The following CAPZA1 variants were observed in gnomAD, a reference collection of about 807,000 sequenced individuals.
CAPZA1 encodes capping actin protein of muscle Z-line subunit alpha 1, also known as F-actin-capping protein subunit alpha-1.
Under a neutral mutation model 40.8 loss-of-function variants are expected in CAPZA1, and 10 were observed. The observed-to-expected ratio is 0.25, with a 90% CI of 0.15 to 0.42. The LOEUF (loss-of-function observed/expected upper bound fraction) is 0.42, where lower values mean the gene tolerates loss of function less well. Among genes scored for constraint, CAPZA1 ranks in the 10% least tolerant of loss-of-function variants. The pLI, the probability that CAPZA1 is intolerant of heterozygous loss-of-function variation, is 1.00. For missense variants in CAPZA1, 277 were observed against 353.8 expected, an observed-to-expected ratio of 0.78 and a Z score of 1.74; for synonymous variants, 98 against 115.0, an observed-to-expected ratio of 0.85 and a Z score of 0.95.
chr1:112,661,027 T>G (rs1373457588), intron 7 of CAPZA1, among the ~76,000 whole-genome samples: 2 of 151,802 alleles, frequency 1.3e-5, no homozygotes, highest in African/African-American at 4.8e-5. Flanking sequence ...CCAGCTAATT[T>G]TTGTATTTTT....
intron 3 of CAPZA1, 169 bp downstream of exon 3, chr1:112,649,638 G>A: frequency 4.8e-6 from 3 of 620,702 alleles, no homozygotes; most frequent in Non-Finnish European, 8.5e-6. Context: ...TCCCCCAATT[G>A]TTGTTTACTT....
At chr1:112,620,016 A>T (rs527661845) in intron 1 of CAPZA1, 133 bp downstream of exon 1, 28 of 685,426 alleles carry the variant, frequency 4.1e-5, no homozygotes, top group Non-Finnish European at 5.2e-5. Context: ...CGCTCTCCGC[A>T]GTCGGGACGC....
At chr1:112,626,367 G>A (rs1056605582) in intron 1 of CAPZA1, 1 of 151,546 alleles carries the variant, frequency 6.6e-6, no homozygotes, top group Non-Finnish European at 1.5e-5. Flanking sequence ...GCTAAGCCGG[G>A]ACGATCACTT....
intron 1 of CAPZA1, among the ~76,000 whole-genome samples, chr1:112,633,156 A>G (rs1398314767): frequency 1.3e-5 from 2 of 152,248 alleles, no homozygotes; most frequent in African/African-American, 4.8e-5. Flanking sequence ...GCAGTGCAGT[A>G]GAGCACTAGA....
At chr1:112,627,960 CA>C (rs888885594) in intron 1 of CAPZA1, among the ~76,000 whole-genome samples, 89 of 143,768 alleles carry the variant, frequency 6.2e-4, no homozygotes, top group Admixed American at 4.9e-4. Context: ...AACTCTGTCT[CA>C]AAAAAAAAAA....
chr1:112,656,440 A>AT (rs56343358), intron 5 of CAPZA1, among the ~76,000 whole-genome samples: 15,585 of 45,292 alleles, frequency 0.34, 4,816 homozygotes, highest in Middle Eastern at 0.43. Context: ...ATTATGTTTG[A>AT]TTTTTTTTTT....
intron 1 of CAPZA1, among the ~76,000 whole-genome samples, chr1:112,622,431 A>G (rs1444326761): frequency 2.0e-5 from 3 of 152,220 alleles, no homozygotes; most frequent in African/African-American, 7.2e-5. Flanking sequence ...AATGAACTTG[A>G]GCTCTTTAGT....
chr1:112,657,357 G>A (rs973316468), intron 5 of CAPZA1, among the ~76,000 whole-genome samples: 30 of 151,858 alleles, frequency 2.0e-4, no homozygotes, highest in South Asian at 6.2e-4. Flanking sequence ...TCACCACCAC[G>A]TCAGTACATA....
At chr1:112,649,612 A>G (rs1255486427) in intron 3 of CAPZA1, 143 bp downstream of exon 3, 2 of 676,016 alleles carry the variant, frequency 3.0e-6, no homozygotes, top group Admixed American at 3.0e-5. Flanking sequence ...GTTTTTTTTA[A>G]TTGGAGAAAA....
At chr1:112,630,922 A>G (rs192999878) in intron 1 of CAPZA1, among the ~76,000 whole-genome samples, 4 of 152,284 alleles carry the variant, frequency 2.6e-5, no homozygotes, top group Admixed American at 2.6e-4. Context: ...GTTTGTATCT[A>G]CCAGGATGAA....
chr1:112,647,179 T>C, intron 1 of CAPZA1, 31 bp from the exon 2 acceptor site: 1 of 1,150,422 alleles, frequency 8.7e-7, no homozygotes, highest in Non-Finnish European at 1.2e-6. Flanking sequence ...TCTTCATAAT[T>C]CTCCTAAGTG....
rs570249032 is a variant in CAPZA1 at position 112,664,230 on chromosome 1, CAA to C, written c.586-2826_586-2825del. ...TGGGCGACAGAGCGTGACACTGTCT[CAA>C]AAAAAAAAAAAAAAAAAGATACTTA... On this transcript the variant is annotated intron_variant, in intron 7 of 9. Transcript: ENST00000263168. Among the ~76,000 whole-genome samples the C allele has an allele frequency of 2.3e-3, 252 of 110,400 alleles. 1 individual carries two copies. The highest frequency in any genetic ancestry group is 3.4e-3 in the Admixed American group (37 of 10,766). 72.4% of individuals were successfully genotyped at this position (110,400 alleles called of 152,430 possible).
At chr1:112,661,394 C>G (rs1671604679) in intron 7 of CAPZA1, among the ~76,000 whole-genome samples, 1 of 152,216 alleles carries the variant, frequency 6.6e-6, no homozygotes, top group African/African-American at 2.4e-5. Flanking sequence ...CCAATACCCA[C>G]AGCTGTAACC....
In CAPZA1 at chr1:112,654,326, T is replaced by G. The variant is rs567767465; in HGVS notation, c.220-139T>G. On this transcript the variant is annotated intron_variant, in intron 4 of 9. Transcript: ENST00000263168. The stretch of plus-strand genomic sequence containing the variant: ...TACAATATTCTTAATAATACGGGAC[T>G]TGGTTGAAAAATTAATATGAAAGAA... The G allele has an allele frequency of 2.1e-3, 1,242 of 604,430 alleles. 6 individuals are homozygous for G. Among genetic ancestry groups the G allele is most frequent in the Non-Finnish European group, 3.1e-3 (1,052 of 336,966 alleles). 37.4% of individuals were successfully genotyped at this position (604,430 alleles called of 1,614,324 possible).
chr1:112,650,478 G>A (rs1378040441), intron 3 of CAPZA1, among the ~76,000 whole-genome samples: 1 of 152,184 alleles, frequency 6.6e-6, no homozygotes, highest in Non-Finnish European at 1.5e-5. Context: ...GTTTCTCTTA[G>A]ATTCATAGAA....
chr1:112,638,033 G>C (rs997759737), intron 1 of CAPZA1, among the ~76,000 whole-genome samples: 4 of 152,156 alleles, frequency 2.6e-5, no homozygotes, highest in Non-Finnish European at 4.4e-5. Flanking sequence ...ATGTTAAGTG[G>C]TGGCAAATTC....
chr1:112,657,133 C>G (rs1451906773), intron 5 of CAPZA1, among the ~76,000 whole-genome samples: 1 of 152,024 alleles, frequency 6.6e-6, no homozygotes, highest in African/African-American at 2.4e-5. Flanking sequence ...AACTCCTGAC[C>G]TTGTAATCCG....
intron 5 of CAPZA1, among the ~76,000 whole-genome samples, chr1:112,658,349 A>G (rs1056166046): frequency 3.3e-5 from 5 of 152,180 alleles, no homozygotes; most frequent in African/African-American, 9.6e-5. Context: ...TCCTTTGCCC[A>G]TCATTTGCAA....
chr1:112,643,398 C>G (rs1671215603), intron 1 of CAPZA1, among the ~76,000 whole-genome samples: 1 of 152,184 alleles, frequency 6.6e-6, no homozygotes, highest in Admixed American at 6.5e-5. Context: ...ATTACCCTGT[C>G]AAGGCAGGGT....
Sources: gnomAD v4.1 joint callset for allele counts (sites outside exome capture counted in the v4.1 genomes callset) on GRCh38, gnomAD v4.1.1 for gene constraint, MANE v1.5 for transcripts, NCBI Gene and HGNC (gene_info 2026-07-23, HGNC 2026-07-21) for gene names.